CKAP2: variants seen among roughly 807,000 people sequenced by gnomAD.
CKAP2 encodes cytoskeleton-associated protein 2.
Under a neutral mutation model 58.4 loss-of-function variants are expected in CKAP2, and 46 were observed. The observed-to-expected ratio is 0.79, with a 90% CI of 0.62 to 1.01. CKAP2 has a LOEUF of 1.01. CKAP2 is among the 50% of genes least tolerant of loss of function. The probability of loss-of-function intolerance (pLI) is 0.00; values close to 1 mark genes in which losing one functional copy is unlikely to be tolerated. For synonymous variants in CKAP2, 293 were observed against 280.9 expected, an observed-to-expected ratio of 1.04 and a Z score of -0.43; for missense variants, 809 against 796.4, an observed-to-expected ratio of 1.02 and a Z score of -0.19.
chr13:52,455,552 C>T lies in CKAP2; in HGVS notation c.-5C>T, dbSNP rs1291252350. The T allele has an allele frequency of 1.2e-6, 2 of 1,612,802 alleles. No homozygotes were observed. The highest frequency in any genetic ancestry group is 1.7e-6 in the Non-Finnish European group (2 of 1,179,806). On this transcript the variant is annotated 5_prime_UTR_variant, in exon 1 of 9. Transcript: ENST00000258607. ...CGGAGACGCATCCCCCGACCCGAGG[C>T]TACGATGAGCACACCGGCCGTGCCC...
chr13:52,471,367 A>G (rs1958759567), intron 7 of CKAP2, among the ~76,000 whole-genome samples: 1 of 152,184 alleles, frequency 6.6e-6, no homozygotes, highest in Non-Finnish European at 1.5e-5. Flanking sequence ...ATTAGTCTTT[A>G]GATGGGGGAA....
intron 4 of CKAP2, 79 bp downstream of exon 4, chr13:52,462,005 C>A: frequency 2.3e-6 from 3 of 1,299,102 alleles, no homozygotes; most frequent in Non-Finnish European, 3.1e-6. Flanking sequence ...ATTTCCTTGA[C>A]TGCATTAGAA....
At chr13:52,462,300 CTTTA>C (rs2137845619) in intron 4 of CKAP2, 59 bp from the exon 5 acceptor site, 6 of 1,427,580 alleles carry the variant, frequency 4.2e-6, no homozygotes, top group South Asian at 3.8e-5. Context: ...TTTCTTTTAA[CTTTA>C]TTTGACAGAG....
In CKAP2 at chr13:52,476,429, T is replaced by C. The variant is rs888005828; in HGVS notation, c.*1288T>C. Reference sequence around the variant, plus strand: ...AGTGAATGAATTTTAGCTTTGCTTTTGAAATACATTGTAAGATTTGACTTG... The same window carrying C: ...AGTGAATGAATTTTAGCTTTGCTTTCGAAATACATTGTAAGATTTGACTTG... On this transcript the variant is annotated 3_prime_UTR_variant, in exon 9 of 9. Coordinates refer to ENST00000258607, the MANE Select transcript of CKAP2 (RefSeq NM_018204.5). 1.3e-5 allele frequency: 2 copies of C among 152,244 alleles called. No homozygotes were observed. The highest frequency in any genetic ancestry group is 4.8e-5 in the African/African-American group (2 of 41,468). The allele number at this position is 152,244 out of a possible 1,614,324, so 9.4% of individuals were successfully genotyped here. A position where few individuals can be genotyped will look rare whatever the true frequency, so the allele number is the denominator to read the frequency against.
At chr13:52,472,367 A>G (rs1410459013) in intron 7 of CKAP2, among the ~76,000 whole-genome samples, 1 of 152,194 alleles carries the variant, frequency 6.6e-6, no homozygotes, top group Admixed American at 6.5e-5. Flanking sequence ...GCACTTAAAT[A>G]TTTGTTGAAT....
In CKAP2 at chr13:52,468,296, C is replaced by A; in HGVS notation, c.1495C>A (p.His499Asn). The A allele has an allele frequency of 6.3e-7, 1 of 1,598,838 alleles. No individual in the cohort carries two copies. Among genetic ancestry groups the A allele is most frequent in the Non-Finnish European group, 8.5e-7 (1 of 1,172,300 alleles). ...AGAQPIEEMR[H>N]TIVDILTMKS... ...AATTAAGCCTATTGAAGAGATGCGA[C>A]ACACGATTGTAGATATTCTAACAAT... The change falls in exon 7 of 9, where the codon CAC becomes AAC. Residue 499 changes from histidine (H) to asparagine (N), a missense_variant. This residue lies in a region of CKAP2 where 283 missense variants were observed against 287.6 expected (regional missense o/e 0.98). Transcript: ENST00000258607.
chr13:52,456,104 CA>C, intron 1 of CKAP2: 6 of 1,018,142 alleles, frequency 5.9e-6, no homozygotes, highest in Non-Finnish European at 7.0e-6. Flanking sequence ...GTTGGGTCTT[CA>C]AAACTAATAT....
chr13:52,457,458 TTAGA>T (rs553441114), intron 2 of CKAP2, among the ~76,000 whole-genome samples: 20 of 152,252 alleles, frequency 1.3e-4, no homozygotes, highest in Non-Finnish European at 2.5e-4. Flanking sequence ...TTAAAATATC[TTAGA>T]TAGTACATAG....
intron 1 of CKAP2, 25 bp downstream of exon 1, chr13:52,455,651 G>A (rs545096627): frequency 5.5e-4 from 163 of 298,014 alleles, no homozygotes; most frequent in African/African-American, 3.0e-3. Flanking sequence ...GGCGGTGGCG[G>A]TGGCGGTGGC....
intron 6 of CKAP2, among the ~76,000 whole-genome samples, chr13:52,466,620 A>G (rs1566102564): frequency 6.6e-6 from 1 of 152,228 alleles, no homozygotes. Context: ...ATAGAAAGCA[A>G]TAATGTAAAC....
At chr13:52,466,951 A>T (rs947401108) in intron 6 of CKAP2, among the ~76,000 whole-genome samples, 3 of 151,766 alleles carry the variant, frequency 2.0e-5, no homozygotes, top group Admixed American at 6.6e-5. Flanking sequence ...TAAAATTTTT[A>T]AAGTTTTTTT....
intron 5 of CKAP2, among the ~76,000 whole-genome samples, 194 bp from the exon 6 acceptor site, chr13:52,465,101 A>T (rs140686377): frequency 1.9e-4 from 29 of 152,314 alleles, no homozygotes; most frequent in African/African-American, 6.3e-4. Flanking sequence ...ATGGAATCCC[A>T]CAATATATAT....
rs752317658 is a variant in CKAP2 at position 52,461,775 on chromosome 13, A to G, written c.949A>G (p.Ile317Val). Residue 317 changes from isoleucine (I) to valine (V), a missense_variant, in exon 4 of 9, where the codon ATA (isoleucine) becomes GTA (valine). Around this residue, in one of 3 missense-constraint regions of CKAP2, gnomAD observed 523 missense variants for 492.4 expected, o/e 1.06. Coordinates refer to ENST00000258607, the MANE Select transcript of CKAP2 (RefSeq NM_018204.5). ...AAGAAATAAGACTCTATCAAGATCC[A>G]TAGCATCTGAAGTTATAGCCAGGCC... ...IIRNKTLSRSIASEVIARPAS... is the reference protein window; with the variant it reads ...IIRNKTLSRSVASEVIARPAS... The G allele has an allele frequency of 8.1e-6, 13 of 1,614,088 alleles. No individual in the cohort carries two copies. The highest frequency in any genetic ancestry group is 1.1e-5 in the Non-Finnish European group (13 of 1,179,936).
At position 52,460,905 on chromosome 13, in the gene CKAP2, T is replaced by C. The variant is rs1045671475; in HGVS notation, c.162T>C (p.Asp54=). 8.1e-6 allele frequency: 13 copies of C among 1,612,872 alleles called. No homozygotes were observed. The highest frequency in any genetic ancestry group is 1.0e-5 in the Non-Finnish European group (12 of 1,179,738). ...TTTGTTTGTTTTTAAGTAGTAGAGA[T>C]CAGAGAGTTGTGACATCTGAGGACC... ...KQENEMLSSR[D]QRVVTSEDQV... The change falls in exon 3 of 9, where the codon GAT becomes GAC. Residue 54 remains aspartate, a synonymous_variant. Coordinates refer to ENST00000258607, the MANE Select transcript of CKAP2 (RefSeq NM_018204.5).
In CKAP2 at chr13:52,455,519, C is replaced by G. The variant is rs1161878465; in HGVS notation, c.-38C>G. 6.2e-7 allele frequency: 1 copy of G among 1,611,316 alleles called. No homozygotes were observed. Among genetic ancestry groups the G allele is most frequent in the East Asian group, 2.2e-5 (1 of 44,836 alleles). On this transcript the variant is annotated 5_prime_UTR_variant, in exon 1 of 9. Transcript: ENST00000258607. ...GTGGTCTGAGGAAGTTCTATCTTGG[C>G]GCTAAAGCGGAGACGCATCCCCCGA...
rs1958460165 is a variant in CKAP2 at position 52,455,502 on chromosome 13, A to C, written c.-55A>C. ...TGCAGACTGCGGCGGCGGTGGTCTG[A>C]GGAAGTTCTATCTTGGCGCTAAAGC... On this transcript the variant is annotated 5_prime_UTR_variant, in exon 1 of 9. Transcript: ENST00000258607. 6.2e-7 allele frequency: 1 copy of C among 1,604,278 alleles called. No homozygotes were observed. The highest frequency in any genetic ancestry group is 8.5e-7 in the Non-Finnish European group (1 of 1,172,382).
intron 7 of CKAP2, among the ~76,000 whole-genome samples, chr13:52,472,026 A>G (rs1958767393): frequency 6.6e-6 from 1 of 151,366 alleles, no homozygotes; most frequent in Admixed American, 6.6e-5. Context: ...AAAGGTTTTT[A>G]CTCTCTTTTC....
intron 6 of CKAP2, chr13:52,465,934 CATAT>C (rs1192539615): frequency 9.8e-6 from 3 of 306,542 alleles, no homozygotes; most frequent in South Asian, 5.8e-5. Context: ...TATATACACA[CATAT>C]ATATACACAT....
intron 6 of CKAP2, among the ~76,000 whole-genome samples, chr13:52,466,694 T>C (rs1176326237): frequency 6.6e-6 from 1 of 152,214 alleles, no homozygotes; most frequent in Non-Finnish European, 1.5e-5. Flanking sequence ...CCAACATGGC[T>C]GGGCACAGTA....
Sources: gnomAD v4.1 joint callset for allele counts (sites outside exome capture counted in the v4.1 genomes callset) on GRCh38, gnomAD v4.1.1 for gene constraint, gnomAD v4.1.1 regional missense constraint, MANE v1.5 for transcripts, NCBI Gene and HGNC (gene_info 2026-07-23, HGNC 2026-07-21) for gene names.